TENM1: variants seen among roughly 807,000 people sequenced by gnomAD.
The protein encoded by TENM1 is teneurin-1.
TENM1 carries 35 observed loss-of-function variants against 174.8 expected under a neutral mutation model. The observed-to-expected ratio is 0.20, with a 90% confidence interval of 0.15 to 0.27. The LOEUF is 0.27. TENM1 is among the 10% of genes least tolerant of loss of function. The pLI is 1.00. For synonymous variants in TENM1, 781 were observed against 798.7 expected, an observed-to-expected ratio of 0.98 and a Z score of 0.37; for missense variants, 1,633 against 2,130.1, an observed-to-expected ratio of 0.77 and a Z score of 4.59.
the TENM1 span, among the ~76,000 whole-genome samples, chrX:125,097,438 T>G: frequency 8.9e-6 from 1 of 111,793 alleles, no homozygotes; most frequent in Non-Finnish European, 1.9e-5. Flanking sequence ...TGAGTATGTA[T>G]GTACATGCAG....
chrX:124,459,560 C>A (rs924928828), intron 22 of TENM1, among the ~76,000 whole-genome samples: 5 of 111,257 alleles, frequency 4.5e-5, no homozygotes, highest in Non-Finnish European at 7.5e-5. Context: ...TGGAACTGGA[C>A]CCCTTCGTTA....
chrX:124,993,349 A>T, the TENM1 span, among the ~76,000 whole-genome samples: 1 of 111,153 alleles, frequency 9.0e-6, no homozygotes, highest in Non-Finnish European at 1.9e-5. Context: ...ATAGTCAATT[A>T]TTCACCCAAT....
chrX:124,997,510 A>G, the TENM1 span, among the ~76,000 whole-genome samples: 34 of 111,699 alleles, frequency 3.0e-4, no homozygotes, highest in Non-Finnish European at 6.2e-4. Context: ...ACAGATGTAC[A>G]TAGTGATTTG....
intron 9 of TENM1, among the ~76,000 whole-genome samples, 188 bp downstream of exon 12, chrX:124,646,521 G>A (rs751792728): frequency 3.6e-5 from 4 of 112,199 alleles, no homozygotes; most frequent in Admixed American, 2.8e-4. Flanking sequence ...ATTAAAAGAC[G>A]GAACACAAAG....
At chrX:125,042,733 C>A in the TENM1 span, among the ~76,000 whole-genome samples, 1 of 111,131 alleles carries the variant, frequency 9.0e-6, no homozygotes, top group Non-Finnish European at 1.9e-5. Context: ...CATGTGAAAT[C>A]CTTCCTCTTT....
the TENM1 span, among the ~76,000 whole-genome samples, chrX:125,164,594 G>A: frequency 1.8e-5 from 2 of 111,936 alleles, no homozygotes; most frequent in Non-Finnish European, 3.8e-5. Flanking sequence ...TTTGCACCTG[G>A]CAGAGCACCT....
At chrX:124,982,934 G>A in the TENM1 span, among the ~76,000 whole-genome samples, 2 of 111,823 alleles carry the variant, frequency 1.8e-5, no homozygotes, top group Non-Finnish European at 3.8e-5. Flanking sequence ...GAGTGAGCTC[G>A]GTTCTACTAC....
In TENM1 at chrX:124,827,863, C is replaced by T. The variant is rs763438649; in HGVS notation, c.535+66433G>A. ...TGAGTTAACTATTCACAGGTTTTCC[C>T]TCTTTAAGAAAACTCAATATATTTA... On this transcript the variant is annotated intron_variant, in intron 3 of 31. Coordinates refer to ENST00000422452, the Ensembl canonical transcript of TENM1. 5.5e-3 allele frequency among the ~76,000 whole-genome samples: 614 copies of T among 111,652 alleles called. 2 individuals carry two copies. Among genetic ancestry groups the T allele is most frequent in the Non-Finnish European group, 9.1e-3 (485 of 53,116 alleles).
exon 32 of TENM1, chrX:124,381,074 C>A (rs1477007153): frequency 8.3e-7 from 1 of 1,210,284 alleles, no homozygotes; most frequent in African/African-American, 1.7e-5. Flanking sequence ...AAGCCGCCTG[C>A]TATCTTCATT....
chrX:125,162,568 A>C, the TENM1 span, among the ~76,000 whole-genome samples: 1 of 111,984 alleles, frequency 8.9e-6, no homozygotes, highest in Admixed American at 9.5e-5. Flanking sequence ...CTGAAACATT[A>C]AATTGTCCTG....
intron 11 of TENM1, among the ~76,000 whole-genome samples, chrX:124,614,708 C>A (rs1394273421): frequency 8.9e-6 from 1 of 111,979 alleles, no homozygotes; most frequent in East Asian, 2.8e-4. Flanking sequence ...CATGGTGAAA[C>A]CCTGTCTCTA....
the TENM1 span, among the ~76,000 whole-genome samples, chrX:125,196,466 G>T: frequency 9.0e-6 from 1 of 111,436 alleles, no homozygotes; most frequent in Non-Finnish European, 1.9e-5. Context: ...TAATAGAACA[G>T]ATCACACATC....
chrX:124,643,901 C>T (rs1289311386), intron 10 of TENM1, among the ~76,000 whole-genome samples: 1 of 107,463 alleles, frequency 9.3e-6, no homozygotes, highest in Admixed American at 1.0e-4. Flanking sequence ...TTTACTAACA[C>T]TGTGTGGGTC....
At chrX:124,548,747 GCT>G (rs1302484502) in intron 14 of TENM1, among the ~76,000 whole-genome samples, 1 of 111,166 alleles carries the variant, frequency 9.0e-6, no homozygotes, top group East Asian at 2.8e-4. Flanking sequence ...TCTTTTGCTT[GCT>G]CTCTCTCCCC....
At chrX:124,704,869 AAG>A in intron 5 of TENM1, 142 bp downstream of exon 8, 1 of 468,907 alleles carries the variant, frequency 2.1e-6, no homozygotes, top group Non-Finnish European at 3.7e-6. Context: ...AAAAAAAAAA[AAG>A]AAGAAAATCA....
intron 24 of TENM1, 130 bp from the exon 28 acceptor site, chrX:124,420,951 T>A (rs927087550): frequency 1.7e-6 from 1 of 597,434 alleles, no homozygotes; most frequent in African/African-American, 2.3e-5. Context: ...TTCTCTGTAT[T>A]CCCTCCCTGA....
At chrX:124,767,967 C>T (rs978564083) in intron 3 of TENM1, among the ~76,000 whole-genome samples, 2 of 111,170 alleles carry the variant, frequency 1.8e-5, no homozygotes, top group South Asian at 7.6e-4. Context: ...GGGTTTTCTC[C>T]TCAGTGTTTC....
the TENM1 span, among the ~76,000 whole-genome samples, chrX:124,994,658 C>A: frequency 9.1e-6 from 1 of 110,338 alleles, no homozygotes; most frequent in African/African-American, 3.3e-5. Flanking sequence ...CCCTCTTGAT[C>A]ACCTCTGCAT....
At chrX:124,892,446 G>A (rs2057492732) in intron 3 of TENM1, among the ~76,000 whole-genome samples, 1 of 111,499 alleles carries the variant, frequency 9.0e-6, no homozygotes, top group African/African-American at 3.3e-5. Flanking sequence ...CAGAGTTAAG[G>A]AAATGAGGAA....
Sources: allele counts gnomAD v4.1 joint callset (sites outside exome capture counted in the v4.1 genomes callset), GRCh38; gene constraint gnomAD v4.1.1; transcripts MANE v1.5; gene names NCBI Gene and HGNC (gene_info 2026-07-23, HGNC 2026-07-21).